DNAI4: variants seen among roughly 807,000 people sequenced by gnomAD.
The protein encoded by DNAI4 is dynein axonemal intermediate chain 4, also known as WD repeat domain 78.
Under a neutral mutation model 105.8 loss-of-function variants are expected in DNAI4, and 85 were observed. The observed-to-expected ratio is 0.80, with a 90% CI of 0.67 to 0.96. DNAI4 has a LOEUF of 0.96. DNAI4 is among the 40% of genes least tolerant of loss of function. DNAI4 has a pLI of 0.00. For missense variants in DNAI4, 1,014 were observed against 1,005.6 expected (o/e 1.01, Z -0.11); for synonymous variants, 352 against 331.5 (o/e 1.06, Z -0.67).
chr1:66,903,676 A>G (rs1649016574), intron 2 of DNAI4, among the ~76,000 whole-genome samples: 1 of 152,092 alleles, frequency 6.6e-6, no homozygotes, highest in Non-Finnish European at 1.5e-5. Flanking sequence ...TTGTATTTTT[A>G]GTAGAGACGG....
chr1:66,830,232 C>CA (rs550137777), intron 13 of DNAI4, among the ~76,000 whole-genome samples: 286 of 145,338 alleles, frequency 2.0e-3, no homozygotes, highest in Middle Eastern at 6.9e-3. Flanking sequence ...ATAAAGAAAA[C>CA]AAAAAAAAAA....
At chr1:66,893,035 G>C (rs1477783229) in intron 3 of DNAI4, among the ~76,000 whole-genome samples, 194 bp downstream of exon 3, 1 of 77,218 alleles carries the variant, frequency 1.3e-5, no homozygotes, top group Non-Finnish European at 2.5e-5. Context: ...AGAAAGAGAG[G>C]AAAGAAAGAA....
intron 4 of DNAI4, 73 bp from the exon 5 acceptor site, chr1:66,875,010 A>ATTATGGT: frequency 2.3e-6 from 3 of 1,311,206 alleles, no homozygotes; most frequent in Non-Finnish European, 3.1e-6. Context: ...TCTAGTCACC[A>ATTATGGT]ATATACCATA....
intron 3 of DNAI4, 48 bp downstream of exon 3, chr1:66,893,181 G>A (rs1340047348): frequency 9.0e-7 from 1 of 1,114,204 alleles, no homozygotes; most frequent in Non-Finnish European, 1.2e-6. Flanking sequence ...TAAATGGAAA[G>A]GCAATATATA....
intron 8 of DNAI4, among the ~76,000 whole-genome samples, chr1:66,844,207 T>C (rs1482981724): frequency 6.6e-6 from 1 of 151,866 alleles, no homozygotes; most frequent in East Asian, 1.9e-4. Context: ...CTTTTTACTA[T>C]ATATATTTAT....
chr1:66,896,459 C>T (rs1220415089), intron 2 of DNAI4, among the ~76,000 whole-genome samples: 4 of 151,988 alleles, frequency 2.6e-5, no homozygotes, highest in African/African-American at 9.7e-5. Flanking sequence ...CATTATGATC[C>T]CTGCTATGGT....
chr1:66,876,389 G>A (rs1383056203), intron 4 of DNAI4, among the ~76,000 whole-genome samples: 1 of 152,114 alleles, frequency 6.6e-6, no homozygotes, highest in African/African-American at 2.4e-5. Context: ...AAACTTCAAA[G>A]TAACATTGTG....
chr1:66,888,420 C>T (rs189929555), intron 4 of DNAI4, among the ~76,000 whole-genome samples: 1 of 152,102 alleles, frequency 6.6e-6, no homozygotes, highest in African/African-American at 2.4e-5. Context: ...AACGGCTGGG[C>T]GTGGTGGCTC....
intron 9 of DNAI4, among the ~76,000 whole-genome samples, chr1:66,838,659 T>A (rs770307270): frequency 7.2e-5 from 11 of 152,236 alleles, no homozygotes; most frequent in Non-Finnish European, 1.5e-4. Flanking sequence ...TTATATTTTC[T>A]TATCACCACC....
chr1:66,824,868 G>A (rs550880364), intron 15 of DNAI4, among the ~76,000 whole-genome samples: 6 of 152,276 alleles, frequency 3.9e-5, no homozygotes, highest in African/African-American at 1.2e-4. Flanking sequence ...ACAATTAGTT[G>A]AAGGCCTTAA....
At chr1:66,894,017 C>T (rs1026822941) in intron 2 of DNAI4, among the ~76,000 whole-genome samples, 1 of 152,108 alleles carries the variant, frequency 6.6e-6, no homozygotes, top group East Asian at 1.9e-4. Context: ...TATAGCAATA[C>T]TATTATGCAC....
chr1:66,905,586 G>A (rs958602646), intron 1 of DNAI4, among the ~76,000 whole-genome samples: 2 of 152,058 alleles, frequency 1.3e-5, no homozygotes, highest in Admixed American at 6.5e-5. Context: ...AATTCCAAGA[G>A]GTTGCTATTA....
intron 15 of DNAI4, among the ~76,000 whole-genome samples, chr1:66,822,989 T>C (rs943843860): frequency 6.6e-6 from 1 of 152,154 alleles, no homozygotes; most frequent in Non-Finnish European, 1.5e-5. Flanking sequence ...ACCTGTGCCA[T>C]GCTGGTGCGC....
chr1:66,912,306 A>C (rs1649717762), intron 1 of DNAI4, among the ~76,000 whole-genome samples: 1 of 151,776 alleles, frequency 6.6e-6, no homozygotes, highest in African/African-American at 2.4e-5. Context: ...CCTCATGTCT[A>C]CAAAAAAAAA....
chr1:66,861,474 A>C (rs991631655), intron 7 of DNAI4, among the ~76,000 whole-genome samples: 1 of 152,230 alleles, frequency 6.6e-6, no homozygotes, highest in South Asian at 2.1e-4. Flanking sequence ...GACTTAGTAA[A>C]GGTTCTTCCA....
intron 7 of DNAI4, among the ~76,000 whole-genome samples, chr1:66,849,181 C>A (rs1257725025): frequency 6.6e-6 from 1 of 152,188 alleles, no homozygotes; most frequent in Non-Finnish European, 1.5e-5. Context: ...TTATCACTCC[C>A]CAGCAGTAAT....
At chr1:66,900,747 T>C (rs549164380) in intron 2 of DNAI4, among the ~76,000 whole-genome samples, 5 of 152,338 alleles carry the variant, frequency 3.3e-5, no homozygotes, top group East Asian at 3.9e-4. Context: ...TGATCATGTA[T>C]CCGGCTGCCT....
intron 8 of DNAI4, 69 bp downstream of exon 8, chr1:66,847,415 C>T: frequency 6.8e-7 from 1 of 1,467,074 alleles, no homozygotes; most frequent in Non-Finnish European, 9.2e-7. Context: ...TCCTCAGCCT[C>T]CCAAAGTACT....
intron 2 of DNAI4, among the ~76,000 whole-genome samples, chr1:66,899,019 TTTGAG>T (rs1648577928): frequency 6.6e-6 from 1 of 152,210 alleles, no homozygotes; most frequent in Admixed American, 6.5e-5. Flanking sequence ...TTGATGGACA[TTTGAG>T]TTGTTTCCAC....
Sources: allele counts gnomAD v4.1 joint callset (sites outside exome capture counted in the v4.1 genomes callset), GRCh38; gene constraint gnomAD v4.1.1; transcripts MANE v1.5; gene names NCBI Gene and HGNC (gene_info 2026-07-23, HGNC 2026-07-21).